SHC3: variants seen among roughly 807,000 people sequenced by gnomAD.
The protein encoded by SHC3 is SHC adaptor protein 3, also known as SHC-transforming protein 3.
In SHC3, 15 loss-of-function variants were observed where a neutral mutation model predicts 60.4. The observed-to-expected ratio is 0.25, with a 90% CI of 0.17 to 0.38. SHC3 has a LOEUF of 0.38. Among genes scored for constraint, SHC3 ranks in the 10% least tolerant of loss-of-function variants. The pLI is 1.00. For synonymous variants in SHC3, 294 were observed against 325.9 expected (o/e 0.90, Z 1.05); for missense variants, 677 against 786.1 (o/e 0.86, Z 1.66).
chr9:89,128,845 T>C (rs1826201313), intron 1 of SHC3, among the ~76,000 whole-genome samples: 1 of 152,168 alleles, frequency 6.6e-6, no homozygotes, highest in Admixed American at 6.5e-5. Flanking sequence ...GATCACCTCT[T>C]CTACTCCAAA....
chr9:89,022,963 T>G (rs1052813924), intron 11 of SHC3, among the ~76,000 whole-genome samples: 2 of 152,228 alleles, frequency 1.3e-5, no homozygotes, highest in Non-Finnish European at 2.9e-5. Context: ...TTTGCTCAAA[T>G]TCTTCTAAAT....
chr9:89,157,894 A>G (rs1826648848), intron 1 of SHC3, among the ~76,000 whole-genome samples: 2 of 151,990 alleles, frequency 1.3e-5, no homozygotes, highest in South Asian at 4.2e-4. Flanking sequence ...AGTGCATAGG[A>G]TATGTATAGG....
At chr9:89,105,700 A>G (rs755973203) in intron 2 of SHC3, among the ~76,000 whole-genome samples, 8 of 152,220 alleles carry the variant, frequency 5.3e-5, no homozygotes, top group Non-Finnish European at 1.2e-4. Flanking sequence ...CAGGGTAAGT[A>G]TTCTATCCTA....
intron 6 of SHC3, 89 bp downstream of exon 6, chr9:89,065,439 AG>A (rs1388643957): frequency 7.6e-7 from 1 of 1,319,164 alleles, no homozygotes; most frequent in Non-Finnish European, 1.1e-6. Context: ...ATTTGTTGGG[AG>A]GGGGCTGAGA....
chr9:89,085,397 G>C (rs1403877534), intron 2 of SHC3, among the ~76,000 whole-genome samples: 1 of 152,218 alleles, frequency 6.6e-6, no homozygotes, highest in Non-Finnish European at 1.5e-5. Flanking sequence ...AAGGCAGTCA[G>C]ACGGCTCTAA....
In SHC3 at chr9:89,013,473, G is replaced by T. The variant is rs918214836; in HGVS notation, c.1759C>A (p.Gln587Lys). 19 of 1,613,602 alleles carry T rather than the reference G, an allele frequency of 1.2e-5. No individual in the cohort carries two copies. The Middle Eastern group carries it at 5.0e-4, about 42-fold the overall frequency. The stretch of plus-strand genomic sequence containing the variant: ...CACTGCTTCCTCTCCACTGGCTGCT[G>T]GAGACACAGCTCACTCCCTGCAGAG... ...IVSAGSELCL[Q>K]QPVERKQ The change falls in exon 12 of 12, where the codon CAG becomes AAG. Residue 587 changes from glutamine to lysine, a missense_variant. Gln to Lys is a moderately conservative substitution (Grantham distance 53, BLOSUM62 1). Coordinates refer to ENST00000375835, the MANE Select transcript of SHC3 (RefSeq NM_016848.6).
At chr9:89,029,037 TTATATC>T (rs1178476733) in intron 11 of SHC3, among the ~76,000 whole-genome samples, 1 of 150,810 alleles carries the variant, frequency 6.6e-6, no homozygotes, top group African/African-American at 2.4e-5. Flanking sequence ...TAGATCTAGA[TTATATC>T]TATATTATAC....
chr9:89,125,723 C>A (rs796167056), intron 1 of SHC3, among the ~76,000 whole-genome samples: 15 of 152,276 alleles, frequency 9.9e-5, no homozygotes, highest in African/African-American at 3.6e-4. Flanking sequence ...ACATTCCCAC[C>A]AGCGCCATGA....
At chr9:89,079,032 C>A (rs1265204671) in intron 2 of SHC3, among the ~76,000 whole-genome samples, 1 of 152,218 alleles carries the variant, frequency 6.6e-6, no homozygotes, top group Non-Finnish European at 1.5e-5. Flanking sequence ...TCAGGACAAG[C>A]TTCCCATTTG....
intron 1 of SHC3, among the ~76,000 whole-genome samples, chr9:89,135,804 T>C (rs1826310690): frequency 2.0e-5 from 3 of 152,194 alleles, no homozygotes; most frequent in African/African-American, 7.2e-5. Flanking sequence ...AATATTCTAA[T>C]TCTCAGCATA....
rs117462184 is a variant in SHC3, at chr9:89,043,295, T to C, written c.1202-1111A>G. Among the ~76,000 whole-genome samples the C allele has an allele frequency of 6.1e-3, 924 of 152,340 alleles. 5 individuals are homozygous for C. The highest frequency in any genetic ancestry group is 9.9e-3 in the Non-Finnish European group (673 of 68,014). On this transcript the variant is annotated intron_variant, in intron 9 of 11. Transcript: ENST00000375835. ...CTGGGGAGCACCACCTGCAACATCA[T>C]GGACTGTGTTTCTACTCTCCTATTT...
chr9:89,141,883 C>G (rs148814099), intron 1 of SHC3, among the ~76,000 whole-genome samples: 7 of 151,908 alleles, frequency 4.6e-5, no homozygotes, highest in African/African-American at 1.7e-4. Flanking sequence ...GTGGGGGAGG[C>G]GAAGAGGTCA....
At chr9:89,053,971 A>T (rs1000389015) in intron 6 of SHC3, among the ~76,000 whole-genome samples, 2 of 152,174 alleles carry the variant, frequency 1.3e-5, no homozygotes, top group East Asian at 1.9e-4. Context: ...AGCCAACAGG[A>T]CTGGTTGGTC....
chr9:89,059,937 G>A (rs1825053716), intron 6 of SHC3, among the ~76,000 whole-genome samples: 3 of 149,556 alleles, frequency 2.0e-5, no homozygotes, highest in African/African-American at 7.4e-5. Context: ...AGGATGTGGT[G>A]GAGGACATAG....
rs1404192412 is a variant in SHC3 at position 89,008,110 on chromosome 9, C to T, written c.*5337G>A. On this transcript the variant is annotated 3_prime_UTR_variant, in exon 12 of 12. Transcript: ENST00000375835. ...ATTCACAAGTCCTGGTATAAAGTTGCAATTTTTCTGGCTGCTATAAAATGT... is the reference window on the plus strand; with the variant it reads ...ATTCACAAGTCCTGGTATAAAGTTGTAATTTTTCTGGCTGCTATAAAATGT... 1.3e-5 allele frequency: 2 copies of T among 152,202 alleles called. No individual in the cohort carries two copies. The highest frequency in any genetic ancestry group is 6.5e-5 in the Admixed American group (1 of 15,280). 9.4% of individuals were successfully genotyped at this position (152,202 alleles called of 1,614,324 possible). A position where few individuals can be genotyped will look rare whatever the true frequency, so the allele number is the denominator to read the frequency against.
intron 11 of SHC3, among the ~76,000 whole-genome samples, chr9:89,030,283 T>C (rs1040754903): frequency 1.3e-5 from 2 of 152,072 alleles, no homozygotes; most frequent in African/African-American, 4.8e-5. Context: ...ATAATAGACA[T>C]TTCAATACCT....
chr9:89,122,120 C>T (rs1407480530), intron 1 of SHC3, among the ~76,000 whole-genome samples: 3 of 152,204 alleles, frequency 2.0e-5, no homozygotes, highest in African/African-American at 2.4e-5. Flanking sequence ...CTGAGCCATG[C>T]TTCTATGTTG....
At chr9:89,098,309 C>A (rs1268453921) in intron 2 of SHC3, among the ~76,000 whole-genome samples, 1 of 152,138 alleles carries the variant, frequency 6.6e-6, no homozygotes, top group Admixed American at 6.5e-5. Context: ...GGAAAAAAAA[C>A]CATCAATGAA....
chr9:89,098,719 G>A lies in SHC3; in HGVS notation c.545+13837C>T, dbSNP rs1042365019. Among the ~76,000 whole-genome samples the A allele has an allele frequency of 1.4e-4, 22 of 152,128 alleles. 1 individual carries two copies. The highest frequency in any genetic ancestry group is 1.0e-3 in the Admixed American group (16 of 15,274). Reference sequence around the variant, plus strand: ...CCAGCTACTTGGGAGGCTGAGGCAGGAGAACAGCGTGAACCTGGGAGGCGG... The same window carrying A: ...CCAGCTACTTGGGAGGCTGAGGCAGAAGAACAGCGTGAACCTGGGAGGCGG... On this transcript the variant is annotated intron_variant, in intron 2 of 11. Coordinates refer to ENST00000375835, the MANE Select transcript of SHC3 (RefSeq NM_016848.6).
Sources: gnomAD v4.1 joint callset for allele counts (sites outside exome capture counted in the v4.1 genomes callset) on GRCh38, gnomAD v4.1.1 for gene constraint, MANE v1.5 for transcripts, NCBI Gene and HGNC (gene_info 2026-07-23, HGNC 2026-07-21) for gene names.